ARHGEF10L: variants seen among roughly 807,000 people sequenced by gnomAD.
ARHGEF10L encodes the protein Rho guanine nucleotide exchange factor 10 like.
A neutral mutation model predicts 141.2 loss-of-function variants in ARHGEF10L; 69 were observed. That is an observed-to-expected ratio of 0.49 (90% confidence interval 0.40 to 0.60). ARHGEF10L has a LOEUF of 0.60. ARHGEF10L is among the 20% of genes least tolerant of loss of function. The probability of loss-of-function intolerance (pLI) is 0.00; values close to 1 mark genes in which losing one functional copy is unlikely to be tolerated. For synonymous variants in ARHGEF10L, 711 were observed against 718.5 expected (o/e 0.99, Z 0.17); for missense variants, 1,482 against 1,734.3 (o/e 0.85, Z 2.58).
intron 1 of ARHGEF10L, among the ~76,000 whole-genome samples, chr1:17,580,299 A>C (rs2078434850): frequency 6.6e-6 from 1 of 152,232 alleles, no homozygotes; most frequent in Non-Finnish European, 1.5e-5. Flanking sequence ...AGGTCCCTGC[A>C]GGTCCCTTGG....
intron 9 of ARHGEF10L, chr1:17,618,280 G>T: frequency 1.0e-6 from 1 of 982,742 alleles, no homozygotes; most frequent in Non-Finnish European, 1.4e-6. Flanking sequence ...CACAAGCCCA[G>T]CGCCTTCCTG....
chr1:17,648,655 T>C lies in ARHGEF10L; in HGVS notation c.2374T>C (p.Ser792Pro). 1 of 1,612,686 alleles carries C rather than the reference T, an allele frequency of 6.2e-7. No individual in the cohort carries two copies. Residue 792 changes from serine (S) to proline (P), a missense_variant, in exon 22 of 29, where the codon TCC becomes CCC. Around this residue, in one of 3 missense-constraint regions of ARHGEF10L, gnomAD observed 858 missense variants for 966.3 expected, o/e 0.89. Coordinates refer to ENST00000361221, the MANE Select transcript of ARHGEF10L (RefSeq NM_018125.4). ...GGCCTGCTGCATCCCTGCCTTCTCC[T>C]CCCGGGCACTCAGCCTGCAGGTGAG... is the stretch of plus-strand genomic sequence containing the variant. ...ILACCIPAFS[S>P]RALSLQLGAL... is the part of the protein sequence containing the mutation.
At chr1:17,518,802 CAAAAA>C in the ARHGEF10L span, among the ~76,000 whole-genome samples, 4 of 99,874 alleles carry the variant, frequency 4.0e-5, no homozygotes, top group Admixed American at 1.3e-4. Flanking sequence ...GATTCTGTCT[CAAAAA>C]AAAAAAAAAA....
intron 2 of ARHGEF10L, among the ~76,000 whole-genome samples, chr1:17,584,673 AAG>A (rs749042775): frequency 6.6e-6 from 1 of 152,170 alleles, no homozygotes; most frequent in African/African-American, 2.4e-5. Flanking sequence ...AAAGATCTGA[AAG>A]AGGGGAGAGC....
chr1:17,563,296 G>A (rs1208922481), intron 1 of ARHGEF10L, among the ~76,000 whole-genome samples: 7 of 151,234 alleles, frequency 4.6e-5, no homozygotes, highest in African/African-American at 1.7e-4. Flanking sequence ...GCGCAGTGGC[G>A]CCATCTTGGC....
Position 17,638,001 on chromosome 1 carries a change from C to A in ARHGEF10L, c.2041C>A (p.Gln681Lys), listed in dbSNP as rs746522741. 2 of 1,578,952 alleles carry A rather than the reference C, an allele frequency of 1.3e-6. No individual in the cohort carries two copies. Among genetic ancestry groups the A allele is most frequent in the South Asian group, 1.2e-5 (1 of 86,056 alleles). ...CATCAGCACGCTGCACGGCACCTACCAGGTACGTGGCCTGGCCTGACCTTT... is the reference window on the plus strand; with the variant it reads ...CATCAGCACGCTGCACGGCACCTACAAGGTACGTGGCCTGGCCTGACCTTT... The part of the protein sequence containing the change: ...LLISTLHGTY[Q>K]NLNMTVAQDW... The change falls in exon 19 of 29, where the codon CAG becomes AAG. Residue 681 changes from glutamine (Q) to lysine (K), a missense_variant and splice_region_variant. Around this residue, in one of 3 missense-constraint regions of ARHGEF10L, gnomAD observed 858 missense variants for 966.3 expected, o/e 0.89. Coordinates refer to ENST00000361221, the MANE Select transcript of ARHGEF10L (RefSeq NM_018125.4).
Position 17,615,938 on chromosome 1 carries a change from C to T in ARHGEF10L, c.727-156C>T. The T allele has an allele frequency of 1.5e-6, 1 of 647,020 alleles. No individual in the cohort carries two copies. The highest frequency in any genetic ancestry group is 2.8e-6 in the Non-Finnish European group (1 of 354,702). 40.1% of individuals were successfully genotyped at this position (647,020 alleles called of 1,614,324 possible). On this transcript the variant is annotated intron_variant, in intron 8 of 28. Coordinates refer to ENST00000361221, the MANE Select transcript of ARHGEF10L (RefSeq NM_018125.4). This position sits in a 1 kb window ranked among gnomAD's most constrained non-coding sequence, Gnocchi z 4.7. ...CCCGGGCATGAACGCACCTTCTCAC[C>T]CCCACTGTCGTCCTTGGCCTTTGCT...
intron 25 of ARHGEF10L, among the ~76,000 whole-genome samples, chr1:17,657,405 G>T (rs1294260956): frequency 6.6e-6 from 1 of 152,176 alleles, no homozygotes; most frequent in Non-Finnish European, 1.5e-5. Context: ...GAGTGCTGTG[G>T]TCCCCATCCT....
intron 1 of ARHGEF10L, among the ~76,000 whole-genome samples, chr1:17,566,449 C>T (rs1227687269): frequency 1.3e-5 from 2 of 152,228 alleles, no homozygotes; most frequent in African/African-American, 4.8e-5. Context: ...AATACTGTCT[C>T]CCTCCCCAAC....
rs1204769724 is a variant in ARHGEF10L at position 17,623,054 on chromosome 1, A to G, written c.1079A>G (p.Gln360Arg). The G allele has an allele frequency of 1.2e-6, 2 of 1,614,140 alleles. No individual in the cohort carries two copies. The highest frequency in any genetic ancestry group is 1.1e-5 in the South Asian group (1 of 91,090). Residue 360 changes from glutamine to arginine, a missense_variant, in exon 12 of 29, where the codon CAG (glutamine) becomes CGG (arginine). Transcript: ENST00000361221. This position sits in a 1 kb window ranked among gnomAD's most constrained non-coding sequence, Gnocchi z 4.7. ...EPKALSARKC[Q>R]VVFFRVKEIL... ...AAGGCGCTGAGCGCCCGCAAGTGCC[A>G]GGTGGTGTTCTTCCGCGTGAAGGAG...
At chr1:17,574,062 C>CCCA (rs529390797) in intron 1 of ARHGEF10L, among the ~76,000 whole-genome samples, 124 of 152,238 alleles carry the variant, frequency 8.1e-4, no homozygotes, top group African/African-American at 2.8e-3. Flanking sequence ...TGGTCCCTTG[C>CCCA]CAGATTCTGC....
chr1:17,514,173 G>T, the ARHGEF10L span, among the ~76,000 whole-genome samples: 1 of 115,988 alleles, frequency 8.6e-6, no homozygotes, highest in East Asian at 2.7e-4. Flanking sequence ...GTCTCGCTCC[G>T]TTGCCCAGGC....
intron 26 of ARHGEF10L, among the ~76,000 whole-genome samples, chr1:17,666,412 G>A (rs2062979921): frequency 6.6e-6 from 1 of 152,104 alleles, no homozygotes; most frequent in African/African-American, 2.4e-5. Flanking sequence ...CAGGACCAGT[G>A]GGTGAGCTTT....
At chr1:17,527,691 G>A in the ARHGEF10L span, among the ~76,000 whole-genome samples, 1 of 149,310 alleles carries the variant, frequency 6.7e-6, no homozygotes, top group Non-Finnish European at 1.5e-5. Flanking sequence ...TTTTTTCTAC[G>A]CCTGAAACAT....
At chr1:17,518,802 C>CA in the ARHGEF10L span, among the ~76,000 whole-genome samples, 60 of 99,872 alleles carry the variant, frequency 6.0e-4, 1 homozygote, top group African/African-American at 2.0e-3. Flanking sequence ...GATTCTGTCT[C>CA]AAAAAAAAAA....
At chr1:17,618,694 G>C (rs941277219) in intron 9 of ARHGEF10L, among the ~76,000 whole-genome samples, 1 of 152,180 alleles carries the variant, frequency 6.6e-6, no homozygotes, top group Non-Finnish European at 1.5e-5. Context: ...ACCTTGCTCT[G>C]TTGGGGGCTG....
At chr1:17,660,251 G>A (rs941727852) in intron 25 of ARHGEF10L, among the ~76,000 whole-genome samples, 1 of 152,220 alleles carries the variant, frequency 6.6e-6, no homozygotes, top group Admixed American at 6.5e-5. Context: ...TGGGGCTGTG[G>A]TTCGGAGTCC....
chr1:17,665,874 G>T (rs753864867), intron 26 of ARHGEF10L, among the ~76,000 whole-genome samples: 1 of 152,182 alleles, frequency 6.6e-6, no homozygotes, highest in African/African-American at 2.4e-5. Context: ...AGACCCAGGC[G>T]AGCTGCCGGC....
chr1:17,597,542 C>A (rs574844265), intron 4 of ARHGEF10L, among the ~76,000 whole-genome samples: 1 of 152,328 alleles, frequency 6.6e-6, no homozygotes, highest in South Asian at 2.1e-4. Context: ...AACTTTATTC[C>A]TCTTCCCCTG....
Sources: gnomAD v4.1 joint callset for allele counts (sites outside exome capture counted in the v4.1 genomes callset) on GRCh38, gnomAD v4.1.1 for gene constraint, gnomAD v4.1.1 regional missense constraint, Gnocchi (gnomAD v3.1) non-coding constraint, MANE v1.5 for transcripts, NCBI Gene and HGNC (gene_info 2026-07-23, HGNC 2026-07-21) for gene names.